Variants in PDZRN4 observed in about 807,000 individuals in gnomAD.
The protein encoded by PDZRN4 is PDZ domain containing ring finger 4.
A neutral mutation model predicts 99.0 loss-of-function variants in PDZRN4; 70 were observed. The ratio of observed to expected loss-of-function variants is 0.71; its 90% CI spans 0.58 to 0.86. The LOEUF is 0.86. PDZRN4 is among the 40% of genes least tolerant of loss of function. The pLI is 0.00. For missense variants in PDZRN4, 1,474 were observed against 1,331.2 expected, an observed-to-expected ratio of 1.11 and a Z score of -1.67; for synonymous variants, 551 against 501.6, an observed-to-expected ratio of 1.10 and a Z score of -1.32.
chr12:41,385,338 G>A lies in PDZRN4; in HGVS notation c.844-121118G>A, dbSNP rs140326676. Reference sequence around the variant, plus strand: ...CAGGGGAAAGGCATTCCAGACAGAAGGAACAGCCAAAGCGAAGTAAAATGG... The same window carrying A: ...CAGGGGAAAGGCATTCCAGACAGAAAGAACAGCCAAAGCGAAGTAAAATGG... On this transcript the variant is annotated intron_variant, in intron 3 of 9. Transcript: ENST00000402685. 4.5e-4 allele frequency among the ~76,000 whole-genome samples: 69 copies of A among 152,232 alleles called. 2 individuals are homozygous for A. The East Asian group carries it at 0.013, about 29-fold the overall frequency.
chr12:41,299,265 T>TGA (rs374747989), intron 3 of PDZRN4, among the ~76,000 whole-genome samples: 10,286 of 150,242 alleles, frequency 0.068, 1,006 homozygotes, highest in African/African-American at 0.22. Flanking sequence ...GAGAGTAAAA[T>TGA]GAGAGAGAGA....
intron 3 of PDZRN4, among the ~76,000 whole-genome samples, chr12:41,300,656 C>T (rs1195716427): frequency 6.6e-6 from 1 of 151,854 alleles, no homozygotes; most frequent in Non-Finnish European, 1.5e-5. Context: ...AAATAAAAAC[C>T]TCAAGTGTTC....
intron 5 of PDZRN4, among the ~76,000 whole-genome samples, chr12:41,518,785 C>T (rs541143308): frequency 2.0e-5 from 3 of 151,816 alleles, no homozygotes; most frequent in Non-Finnish European, 4.4e-5. Flanking sequence ...GACCCCGTAT[C>T]TACAAAAAAA....
intron 5 of PDZRN4, among the ~76,000 whole-genome samples, chr12:41,522,705 T>C (rs1027883992): frequency 4.6e-5 from 7 of 152,158 alleles, no homozygotes; most frequent in Non-Finnish European, 1.0e-4. Context: ...GGTCATTTCC[T>C]GTCACTTTCC....
intron 3 of PDZRN4, among the ~76,000 whole-genome samples, chr12:41,317,153 TAG>T (rs958320832): frequency 8.1e-5 from 12 of 148,964 alleles, no homozygotes; most frequent in African/African-American, 2.9e-4. Context: ...TATATATATT[TAG>T]AGAGAGAGAG....
At chr12:41,497,799 C>T (rs1275241541) in intron 3 of PDZRN4, among the ~76,000 whole-genome samples, 1 of 151,880 alleles carries the variant, frequency 6.6e-6, no homozygotes, top group Non-Finnish European at 1.5e-5. Flanking sequence ...TGTGCATGTG[C>T]ACACAGAGAA....
intron 3 of PDZRN4, among the ~76,000 whole-genome samples, chr12:41,208,184 A>G (rs1356149100): frequency 3.3e-5 from 5 of 151,920 alleles, no homozygotes; most frequent in South Asian, 4.1e-4. Flanking sequence ...CCCAGGATTC[A>G]TAATCTATTG....
chr12:41,456,852 G>A (rs1171043992), intron 3 of PDZRN4, among the ~76,000 whole-genome samples: 1 of 152,144 alleles, frequency 6.6e-6, no homozygotes, highest in East Asian at 1.9e-4. Context: ...TAAAATAGGA[G>A]ACTGAGAGAA....
At chr12:41,453,356 C>T (rs1952790661) in intron 3 of PDZRN4, among the ~76,000 whole-genome samples, 1 of 152,116 alleles carries the variant, frequency 6.6e-6, no homozygotes, top group Non-Finnish European at 1.5e-5. Flanking sequence ...GAGACAAGGT[C>T]GGGCTCCTTA....
intron 6 of PDZRN4, among the ~76,000 whole-genome samples, chr12:41,555,421 G>A (rs967091820): frequency 1.3e-5 from 2 of 151,296 alleles, no homozygotes; most frequent in Admixed American, 6.6e-5. Flanking sequence ...AAAGAATGAA[G>A]GGAAAAAGGA....
chr12:41,302,962 A>AGT, intron 3 of PDZRN4, among the ~76,000 whole-genome samples: 1 of 147,422 alleles, frequency 6.8e-6, no homozygotes, highest in South Asian at 2.1e-4. Context: ...ACACACACAC[A>AGT]CTCACACACA....
At chr12:41,285,300 A>G (rs1298835370) in intron 3 of PDZRN4, among the ~76,000 whole-genome samples, 3 of 152,200 alleles carry the variant, frequency 2.0e-5, no homozygotes, top group African/African-American at 4.8e-5. Flanking sequence ...CAAAACCACA[A>G]TGAGATACCA....
chr12:41,218,152 T>C (rs1431110), intron 3 of PDZRN4, among the ~76,000 whole-genome samples: 89,557 of 151,582 alleles, frequency 0.59, 26,700 homozygotes, highest in South Asian at 0.68. Flanking sequence ...CAGTGATCTT[T>C]CTTTCATCTG....
intron 3 of PDZRN4, among the ~76,000 whole-genome samples, chr12:41,403,212 GC>G (rs2121148713): frequency 6.6e-6 from 1 of 152,250 alleles, no homozygotes; most frequent in East Asian, 1.9e-4. Context: ...AGCCCCAGGG[GC>G]TAGGAAACCT....
At chr12:41,243,834 T>C (rs1951116262) in intron 3 of PDZRN4, among the ~76,000 whole-genome samples, 1 of 152,180 alleles carries the variant, frequency 6.6e-6, no homozygotes, top group Admixed American at 6.5e-5. Flanking sequence ...AGACATGATA[T>C]CCCTATAACT....
intron 3 of PDZRN4, among the ~76,000 whole-genome samples, chr12:41,316,138 T>G (rs1414766576): frequency 6.6e-6 from 1 of 152,120 alleles, no homozygotes; most frequent in East Asian, 1.9e-4. Flanking sequence ...AGCTGTTGAT[T>G]CCAACTTGAA....
intron 3 of PDZRN4, among the ~76,000 whole-genome samples, chr12:41,319,299 G>A (rs1189159273): frequency 6.6e-6 from 1 of 152,136 alleles, no homozygotes. Context: ...TCCAGTAGTG[G>A]CTGTAATGAT....
chr12:41,562,259 G>T (rs985978342), intron 7 of PDZRN4, among the ~76,000 whole-genome samples: 5 of 151,902 alleles, frequency 3.3e-5, no homozygotes, highest in African/African-American at 1.2e-4. Context: ...ACATATAAGA[G>T]TATAGGAATA....
chr12:41,470,677 G>A (rs183113601), intron 3 of PDZRN4, among the ~76,000 whole-genome samples: 1 of 152,050 alleles, frequency 6.6e-6, no homozygotes, highest in Non-Finnish European at 1.5e-5. Flanking sequence ...ACCGTCCCCG[G>A]TGTGTGATGT....
Sources: allele counts gnomAD v4.1 joint callset (sites outside exome capture counted in the v4.1 genomes callset), GRCh38; gene constraint gnomAD v4.1.1; transcripts MANE v1.5; gene names NCBI Gene and HGNC (gene_info 2026-07-23, HGNC 2026-07-21).